AKAP19: variants seen among roughly 807,000 people sequenced by gnomAD.
The protein encoded by AKAP19 is A-kinase anchoring protein 19, also known as small A-kinase anchoring protein.
the AKAP19 span, chr2:190,055,793 TAAATTTGATTAACA>T: frequency 6.6e-6 from 1 of 152,166 alleles, no homozygotes; most frequent in South Asian, 2.1e-4. Flanking sequence ...CATAGTACAA[TAAATTTGATTAACA>T]AAATCCCAAT....
At chr2:189,975,221 A>G in the AKAP19 span, among the ~76,000 whole-genome samples, 1 of 152,114 alleles carries the variant, frequency 6.6e-6, no homozygotes, top group East Asian at 1.9e-4. Context: ...AAAGGATTTT[A>G]TTTCTCCTTC....
chr2:190,057,849 C>G, the AKAP19 span, among the ~76,000 whole-genome samples: 1 of 151,986 alleles, frequency 6.6e-6, no homozygotes, highest in Non-Finnish European at 1.5e-5. Flanking sequence ...TACAAATTCC[C>G]CTAAGGTCAG....
At chr2:189,921,482 T>G in the AKAP19 span, among the ~76,000 whole-genome samples, 1 of 152,134 alleles carries the variant, frequency 6.6e-6, no homozygotes, top group Non-Finnish European at 1.5e-5. Context: ...ATATGGTGAT[T>G]TGTAGAGATT....
chr2:190,047,248 CAT>C, the AKAP19 span, among the ~76,000 whole-genome samples: 1 of 152,174 alleles, frequency 6.6e-6, no homozygotes, highest in Non-Finnish European at 1.5e-5. Context: ...TGCCTGCATT[CAT>C]GTGTGTGTGT....
the AKAP19 span, among the ~76,000 whole-genome samples, chr2:190,059,015 T>TAC: frequency 6.6e-6 from 1 of 151,512 alleles, no homozygotes; most frequent in East Asian, 1.9e-4. Context: ...AATATATATA[T>TAC]ACACATATAT....
At chr2:189,986,398 C>A in the AKAP19 span, among the ~76,000 whole-genome samples, 4 of 145,864 alleles carry the variant, frequency 2.7e-5, no homozygotes, top group African/African-American at 2.5e-5. Context: ...ACAACAAAAA[C>A]AAAACACAAA....
chr2:190,159,699 T>C, the AKAP19 span, among the ~76,000 whole-genome samples: 1 of 152,202 alleles, frequency 6.6e-6, no homozygotes, highest in African/African-American at 2.4e-5. Flanking sequence ...AGTAGCTCTG[T>C]GATCTCTGAG....
the AKAP19 span, among the ~76,000 whole-genome samples, chr2:190,081,609 CT>C: frequency 6.6e-6 from 1 of 152,072 alleles, no homozygotes; most frequent in Non-Finnish European, 1.5e-5. Flanking sequence ...TGCCTTTTTT[CT>C]GTTATTCTAT....
At chr2:189,954,402 C>T in the AKAP19 span, among the ~76,000 whole-genome samples, 2 of 151,626 alleles carry the variant, frequency 1.3e-5, no homozygotes, top group East Asian at 3.9e-4. Flanking sequence ...AAGATCAGAA[C>T]ATGTGATATG....
chr2:190,104,069 G>A, the AKAP19 span, among the ~76,000 whole-genome samples: 5 of 152,190 alleles, frequency 3.3e-5, no homozygotes, highest in East Asian at 5.8e-4. Flanking sequence ...CAAAGTTGAC[G>A]AAAATAAGCA....
At chr2:189,931,639 T>A in the AKAP19 span, among the ~76,000 whole-genome samples, 1 of 152,038 alleles carries the variant, frequency 6.6e-6, no homozygotes, top group Admixed American at 6.6e-5. Context: ...TCAAGCAAAC[T>A]CTTGTCCTCA....
the AKAP19 span, among the ~76,000 whole-genome samples, chr2:189,985,283 CT>C: frequency 6.6e-6 from 1 of 151,980 alleles, no homozygotes; most frequent in Non-Finnish European, 1.5e-5. Flanking sequence ...TATGTTTGAG[CT>C]TTTTTTTCTG....
At chr2:189,968,581 A>G in the AKAP19 span, among the ~76,000 whole-genome samples, 92,271 of 152,046 alleles carry the variant, frequency 0.61, 31,576 homozygotes, top group South Asian at 0.78. Context: ...CTTAAGCAAC[A>G]AAGATTGTCT....
At chr2:190,049,562 A>T in the AKAP19 span, among the ~76,000 whole-genome samples, 2 of 152,236 alleles carry the variant, frequency 1.3e-5, no homozygotes, top group Non-Finnish European at 2.9e-5. Flanking sequence ...ATATACCTGG[A>T]CGTTGTCATG....
the AKAP19 span, among the ~76,000 whole-genome samples, chr2:189,903,264 A>C: frequency 6.6e-6 from 1 of 151,930 alleles, no homozygotes; most frequent in Non-Finnish European, 1.5e-5. Context: ...TGGTTGAAAA[A>C]CCAAAATAAT....
At chr2:190,173,207 A>G in the AKAP19 span, among the ~76,000 whole-genome samples, 1 of 152,260 alleles carries the variant, frequency 6.6e-6, no homozygotes, top group South Asian at 2.1e-4. Flanking sequence ...AGTAACTATT[A>G]TCTCTAAGTT....
At chr2:189,968,820 T>A in the AKAP19 span, among the ~76,000 whole-genome samples, 1 of 152,130 alleles carries the variant, frequency 6.6e-6, no homozygotes, top group Non-Finnish European at 1.5e-5. Flanking sequence ...GTTTCTTTTA[T>A]ATACTCTAAT....
chr2:190,142,500 G>T, the AKAP19 span, among the ~76,000 whole-genome samples: 11 of 151,860 alleles, frequency 7.2e-5, no homozygotes, highest in African/African-American at 2.7e-4. Context: ...AGCTCAGCCA[G>T]TGTTCCCACT....
chr2:190,199,861 A>G, the AKAP19 span: 4 of 1,613,276 alleles, frequency 2.5e-6, no homozygotes, highest in Non-Finnish European at 2.5e-6. Flanking sequence ...TCTTCATAAC[A>G]TGGGCTGCAT....
Sources: gnomAD v4.1 joint callset for allele counts (sites outside exome capture counted in the v4.1 genomes callset) on GRCh38, gnomAD v4.1.1 for gene constraint, MANE v1.5 for transcripts, NCBI Gene and HGNC (gene_info 2026-07-23, HGNC 2026-07-21) for gene names.